The following REEP5 variants were observed in gnomAD, a reference collection of about 807,000 sequenced individuals.
REEP5 encodes the protein receptor accessory protein 5.
REEP5 carries 24 observed loss-of-function variants against 22.4 expected under a neutral mutation model. The observed-to-expected ratio is 1.07, with a 90% CI of 0.78 to 1.51. REEP5 has a LOEUF of 1.51. Among genes scored for constraint, REEP5 ranks in the 40% most tolerant of loss-of-function variants. REEP5 has a pLI of 0.00. For missense variants in REEP5, 252 were observed against 233.0 expected (o/e 1.08, Z -0.53); for synonymous variants, 103 against 88.6 (o/e 1.16, Z -0.92).
At chr5:112,880,156 A>T (rs1292121554) in intron 4 of REEP5, among the ~76,000 whole-genome samples, 1 of 152,088 alleles carries the variant, frequency 6.6e-6, no homozygotes, top group Non-Finnish European at 1.5e-5. Flanking sequence ...CATGTCTATA[A>T]TCCCAGAGCT....
At chr5:112,913,536 TAAAAA>T (rs148324454) in intron 2 of REEP5, among the ~76,000 whole-genome samples, 3 of 65,468 alleles carry the variant, frequency 4.6e-5, no homozygotes, top group Admixed American at 2.0e-4. Context: ...TGACCCTGGC[TAAAAA>T]AAAAAAAAAA....
chr5:112,889,829 A>T (rs1182044926), intron 3 of REEP5, among the ~76,000 whole-genome samples: 25 of 139,330 alleles, frequency 1.8e-4, no homozygotes, highest in African/African-American at 4.1e-4. Context: ...GAAAAAAAAA[A>T]TTTTTTTTTT....
chr5:112,917,619 T>A (rs2150048804), intron 2 of REEP5, among the ~76,000 whole-genome samples: 1 of 152,278 alleles, frequency 6.6e-6, no homozygotes, highest in African/African-American at 2.4e-5. Flanking sequence ...ACTAGGGCCC[T>A]GGCTCACTAG....
At chr5:112,916,605 G>A (rs2150048519) in intron 2 of REEP5, among the ~76,000 whole-genome samples, 1 of 152,350 alleles carries the variant, frequency 6.6e-6, no homozygotes, top group Middle Eastern at 3.4e-3. Flanking sequence ...CAAAGGTAAT[G>A]TATTGACAGG....
chr5:112,907,906 A>G (rs1024673125), intron 2 of REEP5, among the ~76,000 whole-genome samples: 4 of 152,160 alleles, frequency 2.6e-5, no homozygotes, highest in African/African-American at 9.7e-5. Flanking sequence ...AGATGTTTTT[A>G]TATGTTTACA....
chr5:112,908,748 G>T (rs1231012412), intron 2 of REEP5, among the ~76,000 whole-genome samples: 1 of 151,746 alleles, frequency 6.6e-6, no homozygotes, highest in Non-Finnish European at 1.5e-5. Context: ...GTAGAGACGG[G>T]GTTTCACCTT....
chr5:112,892,755 G>A lies in REEP5; in HGVS notation c.352-5572C>T, dbSNP rs575903568. ...AGAACTCCGAGAGGAGGGAGAAGAT[G>A]GGCCACCACGACCACTACTACAGCA... On this transcript the variant is annotated intron_variant, in intron 3 of 4. Transcript: ENST00000379638. 3.7e-6 allele frequency: 6 copies of A among 1,613,960 alleles called. No homozygotes were observed. The East Asian group carries it at 1.1e-4, about 30-fold the overall frequency.
intron 1 of REEP5, chr5:112,921,646 G>A (rs1028134866): frequency 3.8e-6 from 1 of 261,426 alleles, no homozygotes; most frequent in South Asian, 5.0e-5. Flanking sequence ...ACACGCTGCA[G>A]TAGCAGCCCC....
intron 2 of REEP5, among the ~76,000 whole-genome samples, chr5:112,912,488 A>G (rs1015651552): frequency 6.6e-6 from 1 of 152,208 alleles, no homozygotes; most frequent in African/African-American, 2.4e-5. Flanking sequence ...ATCCATATAT[A>G]TGGATAAAAA....
At chr5:112,912,880 A>G (rs1180200350) in intron 2 of REEP5, among the ~76,000 whole-genome samples, 1 of 152,202 alleles carries the variant, frequency 6.6e-6, no homozygotes, top group Non-Finnish European at 1.5e-5. Context: ...TAAGGAAAAT[A>G]TTTTTCTCCT....
intron 2 of REEP5, among the ~76,000 whole-genome samples, chr5:112,904,221 T>G (rs1455766881): frequency 6.6e-6 from 1 of 152,228 alleles, no homozygotes; most frequent in Non-Finnish European, 1.5e-5. Context: ...TGTATTTTTT[T>G]AGCTTCCTTC....
chr5:112,884,782 C>A (rs1027212023), intron 4 of REEP5, among the ~76,000 whole-genome samples: 21 of 151,616 alleles, frequency 1.4e-4, no homozygotes, highest in South Asian at 4.2e-4. Flanking sequence ...GTCCTTGGCC[C>A]CCCCCCATCT....
intron 4 of REEP5, 53 bp downstream of exon 4, chr5:112,886,962 C>A: frequency 7.4e-7 from 1 of 1,347,500 alleles, no homozygotes; most frequent in South Asian, 1.5e-5. Flanking sequence ...TATTTGAGCC[C>A]AGTGTGTCAC....
chr5:112,906,743 G>A (rs2150045602), intron 2 of REEP5, among the ~76,000 whole-genome samples: 1 of 152,320 alleles, frequency 6.6e-6, no homozygotes, highest in African/African-American at 2.4e-5. Context: ...CAGACCTAGT[G>A]ATTCAGCTGC....
In REEP5 at chr5:112,890,016, G is replaced by A. The variant is rs1013433057; in HGVS notation, c.352-2833C>T. Among the ~76,000 whole-genome samples, 6 of 150,204 alleles carry A rather than the reference G, an allele frequency of 4.0e-5. 1 individual carries two copies. The East Asian group carries it at 8.2e-4, about 20-fold the overall frequency. On this transcript the variant is annotated intron_variant, in intron 3 of 4. Transcript: ENST00000379638. ...TAATTTTTGTATTTTTAGTAGAGAC[G>A]GGGTTTCACCATGTTGGCCAGGCTG...
At chr5:112,897,351 TCACACACACACACA>T (rs34612314) in intron 3 of REEP5, 1 of 97,790 alleles carries the variant, frequency 1.0e-5, no homozygotes, top group Non-Finnish European at 2.1e-5. Flanking sequence ...ACACATCCCA[TCACACACACACACA>T]CACACACACA....
chr5:112,912,545 G>C (rs547889460), intron 2 of REEP5, among the ~76,000 whole-genome samples: 12 of 152,032 alleles, frequency 7.9e-5, no homozygotes, highest in Admixed American at 5.9e-4. Context: ...ATCATCTTCT[G>C]GTCCATCTGC....
chr5:112,887,293 C>A lies in REEP5; in HGVS notation c.352-110G>T, dbSNP rs1470870305. The A allele has an allele frequency of 1.3e-5, 14 of 1,045,294 alleles. 1 individual carries two copies. The Admixed American group carries it at 3.3e-4, about 24-fold the overall frequency. 64.8% of individuals were successfully genotyped at this position (1,045,294 alleles called of 1,614,324 possible). Reference sequence around the variant, plus strand: ...GGATGGGAGATGCCTCTGTTATTTTCCCCAAAGGCATTACCAGTGTTTTCT... The same window carrying A: ...GGATGGGAGATGCCTCTGTTATTTTACCCAAAGGCATTACCAGTGTTTTCT... On this transcript the variant is annotated intron_variant, in intron 3 of 4. Coordinates refer to ENST00000379638, the MANE Select transcript of REEP5 (RefSeq NM_005669.5).
chr5:112,919,915 TTTTC>T (rs1335134902), intron 2 of REEP5, among the ~76,000 whole-genome samples: 1 of 152,200 alleles, frequency 6.6e-6, no homozygotes, highest in African/African-American at 2.4e-5. Flanking sequence ...TTCAAATACT[TTTTC>T]TTTCTTTTGG....
Sources: allele counts gnomAD v4.1 joint callset (sites outside exome capture counted in the v4.1 genomes callset), GRCh38; gene constraint gnomAD v4.1.1; transcripts MANE v1.5; gene names NCBI Gene and HGNC (gene_info 2026-07-23, HGNC 2026-07-21).